SEC13: variants seen among roughly 807,000 people sequenced by gnomAD.
The protein encoded by SEC13 is SEC13 homolog, nuclear pore and COPII component.
In SEC13, 25 loss-of-function variants were observed where a neutral mutation model predicts 49.2. The observed-to-expected ratio is 0.51, with a 90% CI of 0.37 to 0.71. The LOEUF is 0.71. Ranked by LOEUF, SEC13 falls within the 30% of genes least tolerant of loss-of-function variation. The pLI is 0.00. For missense variants in SEC13, 383 were observed against 417.6 expected (o/e 0.92, Z 0.72); for synonymous variants, 148 against 163.9 (o/e 0.90, Z 0.74).
At chr3:10,318,211 T>C in intron 1 of SEC13, 117 bp from the exon 2 acceptor site, 1 of 731,906 alleles carries the variant, frequency 1.4e-6, no homozygotes, top group Non-Finnish European at 2.4e-6. Context: ...TCAGTAAGCA[T>C]TCATTCTAAG....
At chr3:10,320,765 G>A (rs917837271) in intron 1 of SEC13, 3 of 1,316,794 alleles carry the variant, frequency 2.3e-6, no homozygotes, top group African/African-American at 1.5e-5. Flanking sequence ...CTCCTCTGCT[G>A]TTCCTCGTTT....
intron 5 of SEC13, among the ~76,000 whole-genome samples, chr3:10,309,305 A>C (rs558905009): frequency 5.3e-5 from 8 of 152,124 alleles, no homozygotes; most frequent in East Asian, 1.9e-4. Flanking sequence ...AATTTTAAGA[A>C]AGTTTTCTGG....
chr3:10,306,237 AT>A (rs1302214600), intron 5 of SEC13, among the ~76,000 whole-genome samples: 1 of 151,414 alleles, frequency 6.6e-6, no homozygotes, highest in Admixed American at 6.6e-5. Flanking sequence ...TCCTCCTCTG[AT>A]TTTTTTCCTT....
rs1477374948 is a variant in SEC13, at chr3:10,304,939, T to C, written c.708+94A>G. ...CCAAAGGTGCCTGTTGCTCTCCCTT[T>C]ACCTTCCCAGAGGACTTTCTGCTAA... is the stretch of plus-strand genomic sequence containing the variant. On this transcript the variant is annotated intron_variant, in intron 7 of 8. Coordinates refer to ENST00000350697, the MANE Select transcript of SEC13 (RefSeq NM_183352.3). 6.9e-6 allele frequency: 11 copies of C among 1,587,006 alleles called. No homozygotes were observed. In the East Asian group the frequency reaches 2.5e-4, roughly 35 times the overall value.
chr3:10,300,986 G>C lies in SEC13; in HGVS notation c.*275C>G. 8.3e-7 allele frequency: 1 copy of C among 1,201,772 alleles called. No individual in the cohort carries two copies. Among genetic ancestry groups the C allele is most frequent in the Non-Finnish European group, 1.2e-6 (1 of 837,840 alleles). The allele number at this position is 1,201,772 out of a possible 1,614,324, so 74.4% of individuals were successfully genotyped here. A position where few individuals can be genotyped will look rare whatever the true frequency, so the allele number is the denominator to read the frequency against. ...TTGGAAACAAAACCCCCCAAATAAT[G>C]CCTGAACCCAAAGGTACATAAAAAT... On this transcript the variant is annotated 3_prime_UTR_variant, in exon 9 of 9. Transcript: ENST00000350697.
In SEC13 at chr3:10,312,630, CCT is replaced by C; in HGVS notation, c.263_264del (p.Glu88GlyfsTer27). 1 of 1,614,156 alleles carries C rather than the reference CCT, an allele frequency of 6.2e-7. No homozygotes were observed. The highest frequency in any genetic ancestry group is 8.5e-7 in the Non-Finnish European group (1 of 1,180,034). On this transcript the variant is annotated frameshift_variant, in exon 4 of 9. Coordinates refer to ENST00000350697, the MANE Select transcript of SEC13 (RefSeq NM_183352.3). LOFTEE classifies it high-confidence loss of function. ...TGGCTCTTCTCCCAGGTGCCGTTTT[CCT>C]CTCTCCAGATAATGACTTTCCGGTC... ...SYDRKVIIWR[E>X]ENGTWEKSHE... is the part of the protein sequence containing the mutation.
At chr3:10,311,558 G>T in intron 5 of SEC13, 1 of 787,530 alleles carries the variant, frequency 1.3e-6, no homozygotes, top group Non-Finnish European at 1.5e-6. Flanking sequence ...ACCAAAAGTT[G>T]GGTAAAGAAT....
At chr3:10,318,202 C>G (rs373351614) in intron 1 of SEC13, 108 bp from the exon 2 acceptor site, 3 of 762,452 alleles carry the variant, frequency 3.9e-6, no homozygotes, top group Admixed American at 1.9e-5. Flanking sequence ...TTCATTCATT[C>G]AGTAAGCATT....
chr3:10,313,432 CTT>C (rs1701409099), intron 3 of SEC13: 1 of 530,898 alleles, frequency 1.9e-6, no homozygotes, highest in Non-Finnish European at 3.9e-6. Context: ...ATCTTTGTCT[CTT>C]TACCTGAAAA....
intron 4 of SEC13, 118 bp from the exon 5 acceptor site, chr3:10,312,216 G>A: frequency 1.4e-6 from 2 of 1,440,946 alleles, no homozygotes; most frequent in Non-Finnish European, 1.8e-6. Context: ...GGAGTCACCG[G>A]GGGAAGCTGT....
intron 5 of SEC13, among the ~76,000 whole-genome samples, chr3:10,307,679 C>G (rs186363852): frequency 2.0e-4 from 30 of 152,318 alleles, no homozygotes; most frequent in African/African-American, 7.0e-4. Context: ...TCCCATGACT[C>G]AACTCCCACT....
Position 10,312,701 on chromosome 3 carries a change from C to T in SEC13, c.194G>A (p.Trp65Ter), listed in dbSNP as rs142780322. Residue 65 changes from tryptophan to a stop codon, truncating the protein, a stop_gained, in exon 4 of 9, where the codon TGG becomes TAG. Transcript: ENST00000350697. LOFTEE classifies it high-confidence loss of function. ...GATGTTGCCGTACATGGGGTGAGCC[C>T]AGGCCACTTGCCACACAGGACCCTC... Reference protein sequence around the residue: ...GHEGPVWQVAWAHPMYGNILA... With the variant: ...GHEGPVWQVA The T allele has an allele frequency of 6.2e-7, 1 of 1,614,082 alleles. No homozygotes were observed. Among genetic ancestry groups the T allele is most frequent in the African/African-American group, 1.3e-5 (1 of 74,916 alleles).
At chr3:10,303,913 G>T in intron 8 of SEC13, 113 bp downstream of exon 8, 1 of 1,186,054 alleles carries the variant, frequency 8.4e-7, no homozygotes, top group South Asian at 1.3e-5. Context: ...CGCAGTCCTG[G>T]CTAAGGCTCC....
intron 4 of SEC13, 100 bp downstream of exon 4, chr3:10,312,477 CAA>C: frequency 5.0e-6 from 7 of 1,404,640 alleles, no homozygotes; most frequent in Non-Finnish European, 6.8e-6. Flanking sequence ...AAGAGACAGA[CAA>C]GAGGCACCAC....
chr3:10,302,783 A>C (rs2125240301), intron 8 of SEC13, among the ~76,000 whole-genome samples: 1 of 152,362 alleles, frequency 6.6e-6, no homozygotes, highest in East Asian at 1.9e-4. Flanking sequence ...GCAGCAGCCC[A>C]GGTGCCCTTT....
intron 8 of SEC13, among the ~76,000 whole-genome samples, chr3:10,302,478 G>A (rs1253044825): frequency 2.0e-5 from 3 of 150,006 alleles, no homozygotes; most frequent in South Asian, 4.2e-4. Flanking sequence ...GCACAGTGAC[G>A]GGCCCCACAA....
In SEC13 at chr3:10,310,189, C is replaced by CAAAT. The variant is rs566774927; in HGVS notation, c.450+1772_450+1775dup. On this transcript the variant is annotated intron_variant, in intron 5 of 8. Coordinates refer to ENST00000350697, the MANE Select transcript of SEC13 (RefSeq NM_183352.3). Reference sequence around the variant, plus strand: ...ACCATCATCTTTGATTAGCAAAATGCAAATAAAAATCACAATAAGGGCCGG... The same window carrying CAAAT: ...ACCATCATCTTTGATTAGCAAAATGCAAATAAATAAAAATCACAATAAGGGCCGG... 4.4e-3 allele frequency among the ~76,000 whole-genome samples: 663 copies of CAAAT among 152,224 alleles called. 2 individuals are homozygous for CAAAT. The highest frequency in any genetic ancestry group is 0.015 in the African/African-American group (629 of 41,514).
At chr3:10,305,389 G>A (rs1353665650) in intron 6 of SEC13, 170 bp downstream of exon 6, 19 of 1,025,036 alleles carry the variant, frequency 1.9e-5, no homozygotes, top group South Asian at 1.1e-4. Flanking sequence ...AGGTGAACAG[G>A]TGTTGTGTTG....
chr3:10,316,870 G>A (rs1006423061), intron 2 of SEC13, among the ~76,000 whole-genome samples: 27 of 151,928 alleles, frequency 1.8e-4, no homozygotes, highest in East Asian at 7.7e-4. Context: ...GAGTGGTGGC[G>A]CACGCCTGTA....
Sources: gnomAD v4.1 joint callset for allele counts (sites outside exome capture counted in the v4.1 genomes callset) on GRCh38, gnomAD v4.1.1 for gene constraint, MANE v1.5 for transcripts, NCBI Gene and HGNC (gene_info 2026-07-23, HGNC 2026-07-21) for gene names.